Variants in XPNPEP3 observed in about 807,000 individuals in gnomAD.
XPNPEP3 encodes the protein X-prolyl aminopeptidase 3, also known as xaa-Pro aminopeptidase 3.
XPNPEP3 carries 41 observed loss-of-function variants against 60.0 expected under a neutral mutation model. That is an observed-to-expected ratio of 0.68 (90% confidence interval 0.53 to 0.89). The LOEUF is 0.89. Among genes scored for constraint, XPNPEP3 ranks in the 40% least tolerant of loss-of-function variants. The pLI is 0.00. For missense variants in XPNPEP3, 598 were observed against 638.9 expected (o/e 0.94, Z 0.69); for synonymous variants, 212 against 223.2 (o/e 0.95, Z 0.45).
rs1369492901 is a variant in XPNPEP3 at position 40,928,951 on chromosome 22, T to A, written c.*2516T>A. ...TTTGCGCACCTTATCTAAGCAGCTC[T>A]CAGAATGGAGGCTGCACAGCTGGAG... On this transcript the variant is annotated 3_prime_UTR_variant, in exon 10 of 10. Transcript: ENST00000357137. 6.6e-6 allele frequency: 1 copy of A among 152,080 alleles called. No individual in the cohort carries two copies. Among genetic ancestry groups the A allele is most frequent in the Non-Finnish European group, 1.5e-5 (1 of 68,018 alleles). 9.4% of individuals were successfully genotyped at this position (152,080 alleles called of 1,614,324 possible).
At chr22:40,882,563 G>A (rs551545331) in intron 3 of XPNPEP3, among the ~76,000 whole-genome samples, 7 of 152,210 alleles carry the variant, frequency 4.6e-5, no homozygotes, top group Non-Finnish European at 8.8e-5. Context: ...CTTGAGCCCG[G>A]GAGGTGGAGG....
At chr22:40,879,709 G>A (rs1466029400) in intron 2 of XPNPEP3, among the ~76,000 whole-genome samples, 1 of 152,104 alleles carries the variant, frequency 6.6e-6, no homozygotes, top group Non-Finnish European at 1.5e-5. Flanking sequence ...AGGCCGTGTG[G>A]TACACACCTG....
At chr22:40,880,891 T>G (rs2058045077) in intron 2 of XPNPEP3, among the ~76,000 whole-genome samples, 1 of 151,298 alleles carries the variant, frequency 6.6e-6, no homozygotes, top group African/African-American at 2.4e-5. Flanking sequence ...AGACAGATAA[T>G]AGATTAGGAG....
intron 4 of XPNPEP3, among the ~76,000 whole-genome samples, chr22:40,898,015 T>G (rs1021557043): frequency 1.3e-5 from 2 of 152,050 alleles, no homozygotes; most frequent in African/African-American, 4.8e-5. Context: ...TTTGCAAATA[T>G]TCTCCCATTA....
intron 8 of XPNPEP3, 43 bp downstream of exon 8, chr22:40,922,556 A>T (rs1321114943): frequency 6.2e-7 from 1 of 1,607,236 alleles, no homozygotes. Context: ...AACACCTAGC[A>T]TGCTGCTAGG....
chr22:40,903,758 G>A (rs2058143909), intron 4 of XPNPEP3, among the ~76,000 whole-genome samples: 1 of 151,976 alleles, frequency 6.6e-6, no homozygotes, highest in Non-Finnish European at 1.5e-5. Context: ...AAAGTGCTGG[G>A]ATTACAGGTG....
chr22:40,883,169 C>T (rs2058055150), intron 3 of XPNPEP3, among the ~76,000 whole-genome samples: 1 of 152,178 alleles, frequency 6.6e-6, no homozygotes, highest in South Asian at 2.1e-4. Flanking sequence ...GCCAGCTCTT[C>T]AAAAGGAGGT....
At chr22:40,886,703 T>C (rs2058070334) in intron 4 of XPNPEP3, among the ~76,000 whole-genome samples, 188 bp downstream of exon 4, 1 of 151,456 alleles carries the variant, frequency 6.6e-6, no homozygotes, top group South Asian at 2.1e-4. Flanking sequence ...GGCGGGCTCC[T>C]GTAGTCCCAG....
At chr22:40,864,881 T>A (rs2057970372) in intron 1 of XPNPEP3, among the ~76,000 whole-genome samples, 1 of 152,226 alleles carries the variant, frequency 6.6e-6, no homozygotes, top group South Asian at 2.1e-4. Context: ...GGTCTTAGCC[T>A]TATTTTACCA....
chr22:40,872,256 A>G (rs2058009014), intron 2 of XPNPEP3, among the ~76,000 whole-genome samples: 1 of 152,108 alleles, frequency 6.6e-6, no homozygotes, highest in African/African-American at 2.4e-5. Context: ...AAAACTTGTC[A>G]TTTCCTTAGA....
intron 4 of XPNPEP3, among the ~76,000 whole-genome samples, chr22:40,903,217 GA>G (rs2058141601): frequency 1.3e-5 from 2 of 152,168 alleles, no homozygotes; most frequent in African/African-American, 4.8e-5. Flanking sequence ...AGACCTGCTG[GA>G]ATTAAGCCTC....
In XPNPEP3 at chr22:40,924,579, A is replaced by C. The variant is rs753543564; in HGVS notation, c.1357+97A>C. The C allele has an allele frequency of 9.9e-5, 151 of 1,532,682 alleles. 1 individual carries two copies. Among genetic ancestry groups the C allele is most frequent in the Non-Finnish European group, 1.3e-4 (149 of 1,129,250 alleles). The allele number at this position is 1,532,682 out of a possible 1,614,324, so 94.9% of individuals were successfully genotyped here. ...TGCTCTTTCGCCCAGGCTGGAGTGA[A>C]GTGGTGTGATCTTCACTCACTGCAA... On this transcript the variant is annotated intron_variant, in intron 9 of 9. Coordinates refer to ENST00000357137, the MANE Select transcript of XPNPEP3 (RefSeq NM_022098.4).
chr22:40,881,739 G>A, intron 2 of XPNPEP3, 31 bp from the exon 3 acceptor site: 1 of 1,613,470 alleles, frequency 6.2e-7, no homozygotes, highest in Non-Finnish European at 8.5e-7. Context: ...CTGCAGAAAT[G>A]TAAAGCATCC....
Position 40,902,494 on chromosome 22 carries a change from C to T in XPNPEP3, c.793-5093C>T, listed in dbSNP as rs1443471943. Among the ~76,000 whole-genome samples, 6 of 152,128 alleles carry T rather than the reference C, an allele frequency of 3.9e-5. No individual in the cohort carries two copies. In the South Asian group the frequency reaches 8.3e-4, roughly 21 times the overall value. On this transcript the variant is annotated intron_variant, in intron 4 of 9. Coordinates refer to ENST00000357137, the MANE Select transcript of XPNPEP3 (RefSeq NM_022098.4). The stretch of plus-strand genomic sequence containing the variant: ...CTCGATCTCCTGACCTCGTGATCCG[C>T]CCACCTCGGCCTCCCAAAGTGCTGG...
At chr22:40,873,151 G>C (rs1287273295) in intron 2 of XPNPEP3, among the ~76,000 whole-genome samples, 1 of 139,294 alleles carries the variant, frequency 7.2e-6, no homozygotes, top group African/African-American at 2.8e-5. Flanking sequence ...TGTCGCCCAG[G>C]CTGGAGTGCA....
chr22:40,864,981 A>G (rs1245835646), intron 1 of XPNPEP3, among the ~76,000 whole-genome samples: 2 of 152,194 alleles, frequency 1.3e-5, no homozygotes, highest in Admixed American at 1.3e-4. Context: ...TTCTGCTCTT[A>G]AGAAATTCAT....
intron 4 of XPNPEP3, among the ~76,000 whole-genome samples, chr22:40,888,987 G>T (rs942674681): frequency 2.6e-5 from 4 of 151,902 alleles, no homozygotes; most frequent in African/African-American, 9.7e-5. Context: ...ATCTTTTTAT[G>T]TGCTTCCTGC....
intron 4 of XPNPEP3, 65 bp downstream of exon 4, chr22:40,886,580 C>T: frequency 6.6e-7 from 1 of 1,505,988 alleles, no homozygotes; most frequent in East Asian, 2.3e-5. Flanking sequence ...AATCCAAGCA[C>T]TTTGGGAGGC....
At chr22:40,872,917 G>A (rs2058012058) in intron 2 of XPNPEP3, among the ~76,000 whole-genome samples, 1 of 151,968 alleles carries the variant, frequency 6.6e-6, no homozygotes, top group African/African-American at 2.4e-5. Context: ...AGAATCAGTG[G>A]AATTCCTAAT....
Sources: allele counts gnomAD v4.1 joint callset (sites outside exome capture counted in the v4.1 genomes callset), GRCh38; gene constraint gnomAD v4.1.1; transcripts MANE v1.5; gene names NCBI Gene and HGNC (gene_info 2026-07-23, HGNC 2026-07-21).